The following PSMA5 variants were observed in gnomAD, a reference collection of about 807,000 sequenced individuals.
The protein encoded by PSMA5 is proteasome 20S subunit alpha 5, also known as proteasome subunit alpha type-5.
PSMA5 carries 3 observed loss-of-function variants against 34.5 expected under a neutral mutation model. The observed-to-expected ratio is 0.09, with a 90% CI of 0.04 to 0.22. The LOEUF is 0.22. PSMA5 is among the 10% of genes least tolerant of loss of function. The probability of loss-of-function intolerance (pLI) is 1.00; values close to 1 mark genes in which losing one functional copy is unlikely to be tolerated. For missense variants in PSMA5, 120 were observed against 286.1 expected, an observed-to-expected ratio of 0.42 and a Z score of 4.19; for synonymous variants, 88 against 95.8, an observed-to-expected ratio of 0.92 and a Z score of 0.47.
intron 1 of PSMA5, among the ~76,000 whole-genome samples, chr1:109,423,760 C>T (rs373684589): frequency 6.6e-6 from 1 of 152,200 alleles, no homozygotes; most frequent in East Asian, 1.9e-4. Flanking sequence ...CACAGTAACA[C>T]ATCACTCTTC....
chr1:109,405,117 G>A (rs968414703), intron 8 of PSMA5, among the ~76,000 whole-genome samples: 1 of 152,216 alleles, frequency 6.6e-6, no homozygotes, highest in East Asian at 1.9e-4. Context: ...ACGTGAAAAG[G>A]AGAGGGAGTA....
chr1:109,415,089 C>A (rs1654137522), intron 3 of PSMA5, 148 bp downstream of exon 3: 20 of 954,216 alleles, frequency 2.1e-5, no homozygotes, highest in Non-Finnish European at 3.0e-5. Flanking sequence ...GCCTCCTACT[C>A]CTACATTTAC....
chr1:109,405,236 C>G (rs936636390), intron 8 of PSMA5, among the ~76,000 whole-genome samples: 3 of 152,096 alleles, frequency 2.0e-5, no homozygotes, highest in African/African-American at 7.2e-5. Flanking sequence ...TTGGCCCTAC[C>G]GTCTCAAAGC....
chr1:109,410,575 C>T (rs1653950405), intron 7 of PSMA5, among the ~76,000 whole-genome samples: 1 of 152,182 alleles, frequency 6.6e-6, no homozygotes, highest in Non-Finnish European at 1.5e-5. Context: ...TACCAAATGC[C>T]CACTTGCTTC....
Position 109,415,375 on chromosome 1 carries a change from CATGTT to C in PSMA5, c.97-17_97-13del, listed in dbSNP as rs1435134654. On this transcript the variant is annotated splice_polypyrimidine_tract_variant and intron_variant, in intron 2 of 8. Coordinates refer to ENST00000271308, the MANE Select transcript of PSMA5 (RefSeq NM_002790.4). ...GCTGTAGAACCAAGCTAAAGAGAAA[CATGTT>C]ATGATTACCATATATAGGTCAAATA... 1 of 1,610,286 alleles carries C rather than the reference CATGTT, an allele frequency of 6.2e-7. No homozygotes were observed. The highest frequency in any genetic ancestry group is 8.5e-7 in the Non-Finnish European group (1 of 1,177,898).
At chr1:109,406,702 T>C (rs890498304) in intron 8 of PSMA5, among the ~76,000 whole-genome samples, 1 of 152,104 alleles carries the variant, frequency 6.6e-6, no homozygotes, top group African/African-American at 2.4e-5. Context: ...TATGAAATTC[T>C]AGAACACAAA....
intron 1 of PSMA5, among the ~76,000 whole-genome samples, chr1:109,422,536 G>A (rs1028223034): frequency 5.4e-5 from 8 of 148,348 alleles, no homozygotes; most frequent in East Asian, 2.0e-4. Flanking sequence ...AGGCGGGTGC[G>A]ATCTCAGCTC....
intron 8 of PSMA5, among the ~76,000 whole-genome samples, chr1:109,405,432 T>C (rs559088088): frequency 1.1e-4 from 16 of 145,104 alleles, no homozygotes; most frequent in East Asian, 2.0e-4. Context: ...TCACAGACAA[T>C]AGAAGTCAGA....
intron 7 of PSMA5, 65 bp downstream of exon 7, chr1:109,410,946 A>G (rs1185790775): frequency 1.6e-6 from 2 of 1,258,208 alleles, no homozygotes; most frequent in Non-Finnish European, 2.3e-6. Context: ...AGGTTTGCAC[A>G]TTTTATTATA....
chr1:109,416,400 G>C (rs1571025000), intron 2 of PSMA5, among the ~76,000 whole-genome samples: 2 of 152,080 alleles, frequency 1.3e-5, no homozygotes, highest in African/African-American at 4.8e-5. Flanking sequence ...CAGCCCACTG[G>C]CTCAAGCCAC....
intron 2 of PSMA5, among the ~76,000 whole-genome samples, chr1:109,416,941 T>TA (rs35021652): frequency 6.6e-6 from 1 of 152,012 alleles, no homozygotes; most frequent in African/African-American, 2.4e-5. Flanking sequence ...CCTGTTTCTA[T>TA]AAAAAATACA....
chr1:109,421,780 C>T, intron 2 of PSMA5, 80 bp downstream of exon 2: 1 of 1,158,616 alleles, frequency 8.6e-7, no homozygotes, highest in Non-Finnish European at 1.2e-6. Flanking sequence ...AATGGTTAAA[C>T]CACATTTACT....
At chr1:109,419,811 A>ACAAAAAAC (rs71069683) in intron 2 of PSMA5, among the ~76,000 whole-genome samples, 10 of 142,246 alleles carry the variant, frequency 7.0e-5, no homozygotes, top group South Asian at 2.2e-4. Flanking sequence ...AAAAAAAAAA[A>ACAAAAAAC]AAAAAAAAAA....
intron 1 of PSMA5, 136 bp downstream of exon 1, chr1:109,426,166 A>G (rs755412886): frequency 2.3e-5 from 27 of 1,192,938 alleles, no homozygotes; most frequent in Non-Finnish European, 3.2e-5. Context: ...GCGCCTGAGG[A>G]GGGCATAACA....
Position 109,413,228 on chromosome 1 carries a change from C to A in PSMA5, c.224-93G>T, listed in dbSNP as rs577241607. On this transcript the variant is annotated intron_variant, in intron 3 of 8. Coordinates refer to ENST00000271308, the MANE Select transcript of PSMA5 (RefSeq NM_002790.4). Reference sequence around the variant, plus strand: ...ATCCTGAAATTCTGGATTGGAACCACGGCAGCCATTCAGCTATCCCATGGC... The same window carrying A: ...ATCCTGAAATTCTGGATTGGAACCAAGGCAGCCATTCAGCTATCCCATGGC... 49 of 1,184,048 alleles carry A rather than the reference C, an allele frequency of 4.1e-5. No individual in the cohort carries two copies. In the South Asian group the frequency reaches 5.3e-4, roughly 13 times the overall value. 73.3% of individuals were successfully genotyped at this position (1,184,048 alleles called of 1,614,324 possible). A position where few individuals can be genotyped will look rare whatever the true frequency, so the allele number is the denominator to read the frequency against.
intron 8 of PSMA5, among the ~76,000 whole-genome samples, chr1:109,406,725 T>C (rs530688731): frequency 2.0e-5 from 3 of 152,090 alleles, no homozygotes; most frequent in African/African-American, 4.8e-5. Flanking sequence ...AAATCTATAG[T>C]GACAAAAAGT....
chr1:109,416,191 C>T (rs931021051), intron 2 of PSMA5, among the ~76,000 whole-genome samples: 18 of 152,178 alleles, frequency 1.2e-4, no homozygotes, highest in Non-Finnish European at 2.5e-4. Context: ...TAATCTCTCT[C>T]AATGTATCTC....
chr1:109,411,722 C>A (rs1263529506), intron 6 of PSMA5, 155 bp downstream of exon 6: 5 of 723,868 alleles, frequency 6.9e-6, no homozygotes, highest in Non-Finnish European at 9.2e-6. Context: ...AACTCCCAGG[C>A]TCAAGAGATC....
intron 2 of PSMA5, among the ~76,000 whole-genome samples, chr1:109,419,400 G>C (rs1347042602): frequency 6.6e-6 from 1 of 152,118 alleles, no homozygotes. Flanking sequence ...GGGCACTGTG[G>C]CTCATACCTG....
Sources: allele counts gnomAD v4.1 joint callset (sites outside exome capture counted in the v4.1 genomes callset), GRCh38; gene constraint gnomAD v4.1.1; transcripts MANE v1.5; gene names NCBI Gene and HGNC (gene_info 2026-07-23, HGNC 2026-07-21).